Variants in GPBP1L1 observed in about 807,000 individuals in gnomAD.
The protein encoded by GPBP1L1 is vasculin-like protein 1.
Under a neutral mutation model 52.5 loss-of-function variants are expected in GPBP1L1, and 23 were observed. The observed-to-expected ratio is 0.44, with a 90% confidence interval of 0.32 to 0.62. The LOEUF (loss-of-function observed/expected upper bound fraction) is 0.62. Among genes scored for constraint, GPBP1L1 ranks in the 20% least tolerant of loss-of-function variants. The pLI, the probability that GPBP1L1 is intolerant of heterozygous loss-of-function variation, is 0.06. For synonymous variants in GPBP1L1, 243 were observed against 203.1 expected (o/e 1.20, Z -1.67); for missense variants, 596 against 579.3 (o/e 1.03, Z -0.30).
rs192946180 is a variant in GPBP1L1 at position 45,651,109 on chromosome 1, T to C, written c.477+3434A>G. 1.1e-3 allele frequency: 569 copies of C among 505,280 alleles called. 12 individuals carry two copies. Among genetic ancestry groups the C allele is most frequent in the South Asian group, 5.9e-3 (411 of 69,280 alleles). The allele number at this position is 505,280 out of a possible 1,614,324, so 31.3% of individuals were successfully genotyped here. A position where few individuals can be genotyped will look rare whatever the true frequency, so the allele number is the denominator to read the frequency against. Reference sequence around the variant, plus strand: ...AGTCACAGACTTGGGACCCAGGACATTGCCTCCCCAGTGATGGCAGATCTC... The same window carrying C: ...AGTCACAGACTTGGGACCCAGGACACTGCCTCCCCAGTGATGGCAGATCTC... On this transcript the variant is annotated intron_variant, in intron 6 of 12. Coordinates refer to ENST00000355105, the MANE Select transcript of GPBP1L1 (RefSeq NM_021639.5).
At chr1:45,630,664 G>A (rs1380497448) in intron 10 of GPBP1L1, 58 bp from the exon 11 acceptor site, 3 of 1,582,450 alleles carry the variant, frequency 1.9e-6, no homozygotes, top group Admixed American at 3.5e-5. Flanking sequence ...AGTAATATAA[G>A]CAACCTATGA....
rs1644475044 is a variant in GPBP1L1 at position 45,627,780 on chromosome 1, TAA to T, written c.*474_*475del. ...AACCCACATATGCTTGGTTAAGGGC[TAA>T]AGTTACCCGAGCAGCCAAAAATAAA... On this transcript the variant is annotated 3_prime_UTR_variant, in exon 13 of 13. Transcript: ENST00000355105. 1.3e-5 allele frequency: 2 copies of T among 151,836 alleles called. No homozygotes were observed. Among genetic ancestry groups the T allele is most frequent in the African/African-American group, 4.8e-5 (2 of 41,274 alleles). 9.4% of individuals were successfully genotyped at this position (151,836 alleles called of 1,614,324 possible).
intron 6 of GPBP1L1, 51 bp from the exon 7 acceptor site, chr1:45,642,550 C>T: frequency 7.1e-7 from 1 of 1,412,224 alleles, no homozygotes; most frequent in Non-Finnish European, 1.0e-6. Context: ...ATCATTTTGG[C>T]ACTTTTCACA....
chr1:45,655,058 A>T, intron 5 of GPBP1L1, 132 bp downstream of exon 5: 1 of 1,166,566 alleles, frequency 8.6e-7, no homozygotes, highest in African/African-American at 1.5e-5. Context: ...TTGCGTAATG[A>T]CTACTAGAGA....
chr1:45,681,007 T>C (rs1645206423), intron 2 of GPBP1L1, among the ~76,000 whole-genome samples: 1 of 151,964 alleles, frequency 6.6e-6, no homozygotes, highest in Non-Finnish European at 1.5e-5. Context: ...AAACCCATGA[T>C]ACTTGGCTCA....
At chr1:45,650,379 C>T (rs1251864506) in intron 6 of GPBP1L1, among the ~76,000 whole-genome samples, 1 of 152,148 alleles carries the variant, frequency 6.6e-6, no homozygotes, top group Non-Finnish European at 1.5e-5. Context: ...CACTTAGTAA[C>T]AGCTACCATT....
At position 45,630,147 on chromosome 1, in the gene GPBP1L1, C is replaced by T. The variant is rs531336624; in HGVS notation, c.1169+335G>A. Among the ~76,000 whole-genome samples the T allele has an allele frequency of 4.6e-5, 7 of 152,252 alleles. No homozygotes were observed. The South Asian group carries it at 6.2e-4, about 14-fold the overall frequency. ...TGTATTTTTGGTAGAGACAGGGTTT[C>T]GCCATGTTGGCCAAGCTGGTCTCAA... is the stretch of plus-strand genomic sequence containing the variant. On this transcript the variant is annotated intron_variant, in intron 11 of 12. Coordinates refer to ENST00000355105, the MANE Select transcript of GPBP1L1 (RefSeq NM_021639.5).
intron 9 of GPBP1L1, chr1:45,633,869 A>G: frequency 1.5e-6 from 1 of 650,016 alleles, no homozygotes; most frequent in Non-Finnish European, 2.6e-6. Flanking sequence ...TACAGACATC[A>G]GCAGAATGCC....
At chr1:45,687,181 C>G (rs1012020223), upstream of GPBP1L1, 4 of 152,240 alleles carry the variant, frequency 2.6e-5, no homozygotes, top group African/African-American at 9.6e-5. Context: ...TCCCCTGGAG[C>G]GCAGGCGTCA....
intron 1 of GPBP1L1, among the ~76,000 whole-genome samples, chr1:45,686,113 A>C (rs1645279027): frequency 6.6e-6 from 1 of 152,254 alleles, no homozygotes; most frequent in South Asian, 2.1e-4. Context: ...GAGAGGAGCC[A>C]AAGAGCCGCA....
At chr1:45,656,918 T>C (rs1644892193) in intron 4 of GPBP1L1, among the ~76,000 whole-genome samples, 4 of 152,088 alleles carry the variant, frequency 2.6e-5, no homozygotes, top group Admixed American at 2.6e-4. Flanking sequence ...CTCCTGGCTT[T>C]CAAGCAATCC....
intron 2 of GPBP1L1, among the ~76,000 whole-genome samples, chr1:45,664,332 C>T (rs1368584735): frequency 6.7e-6 from 1 of 150,194 alleles, no homozygotes; most frequent in Non-Finnish European, 1.5e-5. Context: ...AAAAAAAGGC[C>T]GGGCGTGGTG....
chr1:45,687,059 T>G (rs965176004), upstream of GPBP1L1: 1 of 152,210 alleles, frequency 6.6e-6, no homozygotes. Flanking sequence ...CACCTTCCGC[T>G]CCTTACTTCT....
At chr1:45,651,576 G>A (rs991263487) in intron 6 of GPBP1L1, 4 of 635,478 alleles carry the variant, frequency 6.3e-6, no homozygotes, top group African/African-American at 5.5e-5. Flanking sequence ...CGCAAGGCCT[G>A]GATGAACTGG....
intron 6 of GPBP1L1, among the ~76,000 whole-genome samples, chr1:45,649,120 C>T (rs188669994): frequency 6.6e-6 from 1 of 152,360 alleles, no homozygotes; most frequent in African/African-American, 2.4e-5. Flanking sequence ...ATGACATCCA[C>T]ACTCAAAAAG....
At chr1:45,651,553 A>C (rs1350473907) in intron 6 of GPBP1L1, 2 of 575,828 alleles carry the variant, frequency 3.5e-6, no homozygotes, top group African/African-American at 3.8e-5. Context: ...GTAGCTGAGT[A>C]GCTGTTTGGC....
chr1:45,647,264 G>A (rs548510409), intron 6 of GPBP1L1, among the ~76,000 whole-genome samples: 27 of 149,716 alleles, frequency 1.8e-4, no homozygotes, highest in Admixed American at 3.3e-4. Context: ...TCTGCCTCCC[G>A]GGTTTACGTT....
At chr1:45,654,495 G>A (rs1644858482) in intron 6 of GPBP1L1, 48 bp downstream of exon 6, 1 of 1,495,166 alleles carries the variant, frequency 6.7e-7, no homozygotes, top group Admixed American at 2.0e-5. Flanking sequence ...TCATATTTCA[G>A]ACATTATTTG....
Position 45,646,616 on chromosome 1 carries a change from C to T in GPBP1L1, c.478-4117G>A, listed in dbSNP as rs147131540. ...CTGTCCCCAGGCTGGAGTGCAGTGG[C>T]GCGATCTCAGCTCACTGCAAGCTCC... On this transcript the variant is annotated intron_variant, in intron 6 of 12. Coordinates refer to ENST00000355105, the MANE Select transcript of GPBP1L1 (RefSeq NM_021639.5). 3.3e-3 allele frequency among the ~76,000 whole-genome samples: 495 copies of T among 150,756 alleles called. 4 individuals are homozygous for T. Among genetic ancestry groups the T allele is most frequent in the East Asian group, 0.023 (116 of 5,124 alleles).
Sources: allele counts gnomAD v4.1 joint callset (sites outside exome capture counted in the v4.1 genomes callset), GRCh38; gene constraint gnomAD v4.1.1; transcripts MANE v1.5; gene names NCBI Gene and HGNC (gene_info 2026-07-23, HGNC 2026-07-21).